Variants in SYNPR observed in about 807,000 individuals in gnomAD.
SYNPR encodes synaptoporin.
Under a neutral mutation model 32.9 loss-of-function variants are expected in SYNPR, and 23 were observed. The observed-to-expected ratio is 0.70, with a 90% CI of 0.50 to 0.99. The LOEUF is 0.99. Ranked by LOEUF, SYNPR falls within the 50% of genes least tolerant of loss-of-function variation. The probability of loss-of-function intolerance (pLI) is 0.00; values close to 1 mark genes in which losing one functional copy is unlikely to be tolerated. For synonymous variants in SYNPR, 146 were observed against 135.9 expected, an observed-to-expected ratio of 1.07 and a Z score of -0.52; for missense variants, 318 against 349.3, an observed-to-expected ratio of 0.91 and a Z score of 0.71.
the SYNPR span, among the ~76,000 whole-genome samples, chr3:63,203,005 A>C: frequency 6.8e-6 from 1 of 147,318 alleles, no homozygotes; most frequent in Non-Finnish European, 1.5e-5. Context: ...TTGGGTAGCT[A>C]TTTTGGTTCT....
chr3:63,409,515 G>T (rs922023609), intron 2 of SYNPR, among the ~76,000 whole-genome samples: 2 of 152,070 alleles, frequency 1.3e-5, no homozygotes, highest in African/African-American at 4.8e-5. Flanking sequence ...TTAATCCTGG[G>T]CTCTGCTGTC....
chr3:63,402,253 G>A (rs1038781925), intron 2 of SYNPR, among the ~76,000 whole-genome samples: 1 of 152,086 alleles, frequency 6.6e-6, no homozygotes, highest in African/African-American at 2.4e-5. Context: ...CTCTAAACAT[G>A]AGGAGCGCTC....
At chr3:63,579,963 T>G (rs1703061138) in intron 4 of SYNPR, among the ~76,000 whole-genome samples, 1 of 152,126 alleles carries the variant, frequency 6.6e-6, no homozygotes, top group Non-Finnish European at 1.5e-5. Flanking sequence ...AAATGAATTA[T>G]GAATTTTCAT....
intron 2 of SYNPR, among the ~76,000 whole-genome samples, chr3:63,422,516 G>A (rs1309930859): frequency 6.6e-6 from 1 of 152,162 alleles, no homozygotes; most frequent in Non-Finnish European, 1.5e-5. Context: ...GGTTTTATGG[G>A]TATAAGCATT....
Position 63,510,487 on chromosome 3 carries a change from A to G in SYNPR, c.209+29531A>G, listed in dbSNP as rs564224716. Among the ~76,000 whole-genome samples, 3 of 152,322 alleles carry G rather than the reference A, an allele frequency of 2.0e-5. No individual in the cohort carries two copies. The South Asian group carries it at 6.2e-4, about 32-fold the overall frequency. ...AGTCCTTCACATAAATAAAGCAGAA[A>G]TATGAACGTGCCAGTTGTGGGAACA... is the stretch of plus-strand genomic sequence containing the variant. On this transcript the variant is annotated intron_variant, in intron 3 of 5. Transcript: ENST00000478300.
At chr3:63,289,780 A>C (rs541768453) in intron 2 of SYNPR, among the ~76,000 whole-genome samples, 1 of 152,164 alleles carries the variant, frequency 6.6e-6, no homozygotes, top group South Asian at 2.1e-4. Context: ...GTGCTTTATT[A>C]AGTGCTATGC....
At chr3:63,484,008 C>T (rs1701097149) in intron 3 of SYNPR, among the ~76,000 whole-genome samples, 1 of 152,102 alleles carries the variant, frequency 6.6e-6, no homozygotes, top group Non-Finnish European at 1.5e-5. Flanking sequence ...AATGATACAT[C>T]AAAGGAAGCT....
At chr3:63,408,319 G>GGAAAGAAAGAAAGAAAGAAAGAAA (rs1214316826) in intron 2 of SYNPR, among the ~76,000 whole-genome samples, 2 of 16,814 alleles carry the variant, frequency 1.2e-4, no homozygotes, top group Non-Finnish European at 1.0e-4. Flanking sequence ...AAGGAAGGAA[G>GGAAAGAAAGAAAGAAAGAAAGAAA]GAAAGAAAGA....
intron 4 of SYNPR, among the ~76,000 whole-genome samples, chr3:63,582,656 G>A (rs995855409): frequency 6.6e-6 from 1 of 151,986 alleles, no homozygotes; most frequent in African/African-American, 2.4e-5. Context: ...TATGACACAG[G>A]AATAGGTGCT....
chr3:63,295,856 C>A (rs1375623627), intron 2 of SYNPR, among the ~76,000 whole-genome samples: 1 of 152,308 alleles, frequency 6.6e-6, no homozygotes, highest in African/African-American at 2.4e-5. Context: ...TTCCTTAACC[C>A]TGCCCCCATC....
chr3:63,569,484 A>G (rs1424020585), intron 4 of SYNPR, among the ~76,000 whole-genome samples: 1 of 152,182 alleles, frequency 6.6e-6, no homozygotes, highest in Non-Finnish European at 1.5e-5. Flanking sequence ...CCCAGAGAAT[A>G]AAAAAACTAA....
rs543446650 is a variant in SYNPR at position 63,294,051 on chromosome 3, C to A, written c.84+15309C>A. On this transcript the variant is annotated intron_variant, in intron 2 of 5. Coordinates refer to ENST00000478300, the MANE Select transcript of SYNPR (RefSeq NM_001130003.2). ...ATATATTGTGAATTGTTTTTCTATG[C>A]CATTAGATAAAATATTTTTTTCCCA... Among the ~76,000 whole-genome samples the A allele has an allele frequency of 7.9e-5, 12 of 152,160 alleles. No homozygotes were observed. In the East Asian group the frequency reaches 2.3e-3, roughly 29 times the overall value.
chr3:63,246,439 T>C (rs774127507), intron 1 of SYNPR, among the ~76,000 whole-genome samples: 9 of 152,186 alleles, frequency 5.9e-5, no homozygotes, highest in Non-Finnish European at 1.2e-4. Context: ...GCACTGGAGG[T>C]GCAGTGAACA....
At chr3:63,235,230 C>T (rs1285051073) in intron 1 of SYNPR, among the ~76,000 whole-genome samples, 3 of 151,904 alleles carry the variant, frequency 2.0e-5, no homozygotes, top group Non-Finnish European at 2.9e-5. Context: ...TATAATATAA[C>T]AGGAAACAGG....
Position 63,489,661 on chromosome 3 carries a change from A to G in SYNPR, c.209+8705A>G, listed in dbSNP as rs190972325. Among the ~76,000 whole-genome samples, 112 of 152,328 alleles carry G rather than the reference A, an allele frequency of 7.4e-4. 1 individual carries two copies. The highest frequency in any genetic ancestry group is 2.6e-3 in the African/African-American group (107 of 41,568). Reference sequence around the variant, plus strand: ...CACGACTGCTTCCCTCACAAAATTTACAATTAGTTGGAGACGGGAGAAAGA... The same window carrying G: ...CACGACTGCTTCCCTCACAAAATTTGCAATTAGTTGGAGACGGGAGAAAGA... On this transcript the variant is annotated intron_variant, in intron 3 of 5. Transcript: ENST00000478300.
chr3:63,334,103 G>C (rs2087259414), intron 2 of SYNPR, among the ~76,000 whole-genome samples: 1 of 152,226 alleles, frequency 6.6e-6, no homozygotes, highest in Admixed American at 6.5e-5. Context: ...GCTCACAGCT[G>C]TTTTAATGAG....
intron 3 of SYNPR, among the ~76,000 whole-genome samples, chr3:63,481,600 G>C (rs1483186011): frequency 6.6e-6 from 1 of 152,024 alleles, no homozygotes; most frequent in East Asian, 1.9e-4. Context: ...GCTGACAAAA[G>C]TTGCAAATAC....
chr3:63,469,413 A>T (rs1700754681), intron 2 of SYNPR, among the ~76,000 whole-genome samples: 1 of 152,088 alleles, frequency 6.6e-6, no homozygotes, highest in Non-Finnish European at 1.5e-5. Flanking sequence ...ATCTATCATC[A>T]CTGATTTTCT....
intron 4 of SYNPR, among the ~76,000 whole-genome samples, chr3:63,595,741 A>AAC (rs1344247997): frequency 2.2e-5 from 1 of 46,028 alleles, no homozygotes; most frequent in East Asian, 7.5e-4. Context: ...ATATATATAT[A>AAC]TATATATATA....
Sources: gnomAD v4.1 joint callset for allele counts (sites outside exome capture counted in the v4.1 genomes callset) on GRCh38, gnomAD v4.1.1 for gene constraint, MANE v1.5 for transcripts, NCBI Gene and HGNC (gene_info 2026-07-23, HGNC 2026-07-21) for gene names.